The following PTPRM variants were observed in gnomAD, a reference collection of about 807,000 sequenced individuals.
PTPRM encodes receptor-type tyrosine-protein phosphatase mu.
Under a neutral mutation model 186.7 loss-of-function variants are expected in PTPRM, and 47 were observed. The observed-to-expected ratio is 0.25, with a 90% CI of 0.20 to 0.32. The LOEUF (loss-of-function observed/expected upper bound fraction) is 0.32. PTPRM is among the 10% of genes least tolerant of loss of function. PTPRM has a pLI of 1.00. For synonymous variants in PTPRM, 668 were observed against 674.9 expected (o/e 0.99, Z 0.16); for missense variants, 1,494 against 1,865.0 (o/e 0.80, Z 3.66).
chr18:8,242,518 A>G (rs1208052930), intron 14 of PTPRM, among the ~76,000 whole-genome samples: 2 of 152,186 alleles, frequency 1.3e-5, no homozygotes, highest in Admixed American at 6.5e-5. Context: ...CCACGGGGCA[A>G]GAGAGGGGTG....
intron 22 of PTPRM, among the ~76,000 whole-genome samples, chr18:8,340,241 T>C (rs750624670): frequency 2.6e-5 from 4 of 152,208 alleles, no homozygotes; most frequent in African/African-American, 9.6e-5. Flanking sequence ...TCTCTGCCTG[T>C]ACTTTTTTTT....
In PTPRM at chr18:8,244,112, T is replaced by C. The variant is rs1411926520; in HGVS notation, c.2355T>C (p.Thr785=). The change falls in exon 15 of 33, where the codon ACT becomes ACC. Residue 785 remains threonine, a synonymous_variant. Coordinates refer to ENST00000580170, the MANE Select transcript of PTPRM (RefSeq NM_001105244.2). ...TGAGCAGCACCCGACAGGAGATGAC[T>C]GTGATGGTGAACTCAATGGACAAGA... The part of the protein sequence containing the change: ...ETMSSTRQEM[T]VMVNSMDKSY... 4.3e-6 allele frequency: 7 copies of C among 1,609,364 alleles called. No individual in the cohort carries two copies. The highest frequency in any genetic ancestry group is 5.9e-6 in the Non-Finnish European group (7 of 1,178,634).
intron 2 of PTPRM, among the ~76,000 whole-genome samples, chr18:7,852,326 C>T (rs906223574): frequency 2.0e-5 from 3 of 152,122 alleles, no homozygotes; most frequent in African/African-American, 7.2e-5. Flanking sequence ...CTTGTAATTC[C>T]AGTGTTTTAG....
chr18:7,765,297 A>C (rs956711711), intron 1 of PTPRM, among the ~76,000 whole-genome samples: 2 of 152,238 alleles, frequency 1.3e-5, no homozygotes, highest in African/African-American at 4.8e-5. Context: ...CCATCGGCAA[A>C]TAGCACTTCT....
At chr18:8,185,606 G>A (rs192081224) in intron 14 of PTPRM, among the ~76,000 whole-genome samples, 137 of 152,306 alleles carry the variant, frequency 9.0e-4, no homozygotes, top group African/African-American at 2.9e-3. Context: ...TGTGGCCACC[G>A]TACAGAGCGA....
At chr18:7,590,868 TG>T (rs2037107445) in intron 1 of PTPRM, among the ~76,000 whole-genome samples, 1 of 152,260 alleles carries the variant, frequency 6.6e-6, no homozygotes, top group South Asian at 2.1e-4. Context: ...TCAGTTTTTC[TG>T]GATCTACCAG....
chr18:8,085,923 C>T (rs924349949), intron 10 of PTPRM, 51 bp downstream of exon 10: 12 of 1,544,386 alleles, frequency 7.8e-6, no homozygotes, highest in South Asian at 1.1e-5. Context: ...CATTTTTGTC[C>T]GTTTTCATTC....
At chr18:7,838,083 GC>G (rs2046142506) in intron 2 of PTPRM, among the ~76,000 whole-genome samples, 2 of 152,178 alleles carry the variant, frequency 1.3e-5, no homozygotes, top group African/African-American at 4.8e-5. Flanking sequence ...GTGAAGAACT[GC>G]CCGAGACTGG....
intron 13 of PTPRM, among the ~76,000 whole-genome samples, chr18:8,143,193 T>C (rs1471279666): frequency 6.6e-6 from 1 of 152,212 alleles, no homozygotes; most frequent in African/African-American, 2.4e-5. Flanking sequence ...ATCTCAGTTT[T>C]CCAGGTGTTT....
intron 7 of PTPRM, among the ~76,000 whole-genome samples, chr18:8,009,245 C>G (rs2084371800): frequency 6.6e-6 from 1 of 151,792 alleles, no homozygotes; most frequent in Non-Finnish European, 1.5e-5. Context: ...TGTTAGCTGT[C>G]ATTCTGAAGG....
At chr18:7,571,636 A>C (rs887988170) in intron 1 of PTPRM, among the ~76,000 whole-genome samples, 8 of 152,244 alleles carry the variant, frequency 5.3e-5, no homozygotes, top group African/African-American at 1.7e-4. Context: ...ATTAAATGTT[A>C]ACATAACCTT....
chr18:7,760,832 G>A (rs35092107), intron 1 of PTPRM, among the ~76,000 whole-genome samples: 6,802 of 152,198 alleles, frequency 0.045, 233 homozygotes, highest in Non-Finnish European at 0.068. Flanking sequence ...ACTCACCTAT[G>A]CTCCTTCTGG....
intron 7 of PTPRM, among the ~76,000 whole-genome samples, chr18:8,030,624 C>A (rs1305277076): frequency 6.6e-6 from 1 of 152,000 alleles, no homozygotes; most frequent in Non-Finnish European, 1.5e-5. Flanking sequence ...TTATTGAAAA[C>A]GTTTTGTCTG....
chr18:7,767,529 C>T (rs2042071323), intron 1 of PTPRM, among the ~76,000 whole-genome samples: 2 of 152,030 alleles, frequency 1.3e-5, no homozygotes, highest in African/African-American at 4.8e-5. Context: ...GAAAATGGGC[C>T]ATTTTCTTTA....
intron 19 of PTPRM, among the ~76,000 whole-genome samples, chr18:8,256,588 C>G (rs140041348): frequency 5.3e-5 from 8 of 152,302 alleles, no homozygotes; most frequent in African/African-American, 1.9e-4. Context: ...GTAAAACTCT[C>G]ATCTCTTGCG....
At chr18:7,782,018 A>G (rs1156921656) in intron 2 of PTPRM, among the ~76,000 whole-genome samples, 3 of 152,190 alleles carry the variant, frequency 2.0e-5, no homozygotes, top group African/African-American at 7.2e-5. Context: ...GTCAGCTTTT[A>G]TATGGTGAAT....
chr18:8,116,620 A>G (rs2091967302), intron 13 of PTPRM, among the ~76,000 whole-genome samples: 1 of 152,184 alleles, frequency 6.6e-6, no homozygotes, highest in African/African-American at 2.4e-5. Context: ...TTACTGTGAA[A>G]ACAACAAAAT....
intron 3 of PTPRM, among the ~76,000 whole-genome samples, chr18:7,897,761 C>T (rs768034776): frequency 1.1e-4 from 17 of 152,060 alleles, no homozygotes; most frequent in Admixed American, 7.9e-4. Flanking sequence ...GCATATCAAC[C>T]CTGTTCTTTA....
intron 1 of PTPRM, among the ~76,000 whole-genome samples, chr18:7,762,755 A>G (rs771603905): frequency 1.3e-5 from 2 of 152,198 alleles, no homozygotes; most frequent in African/African-American, 2.4e-5. Context: ...AGAAAAATTT[A>G]AGCAGTTGTT....
Sources: gnomAD v4.1 joint callset for allele counts (sites outside exome capture counted in the v4.1 genomes callset) on GRCh38, gnomAD v4.1.1 for gene constraint, MANE v1.5 for transcripts, NCBI Gene and HGNC (gene_info 2026-07-23, HGNC 2026-07-21) for gene names.